CASK: variants seen among roughly 807,000 people sequenced by gnomAD.
CASK encodes the protein peripheral plasma membrane protein CASK.
CASK carries 4 observed loss-of-function variants against 82.9 expected under a neutral mutation model. The ratio of observed to expected loss-of-function variants is 0.05; its 90% CI spans 0.02 to 0.11. The LOEUF is 0.11. Among genes scored for constraint, CASK ranks in the 10% least tolerant of loss-of-function variants. CASK has a pLI of 1.00. For synonymous variants in CASK, 259 were observed against 253.5 expected (o/e 1.02, Z -0.20); for missense variants, 358 against 720.9 (o/e 0.50, Z 5.76).
chrX:41,517,794 C>A lies in CASK; in HGVS notation c.*2626G>T. The A allele has an allele frequency of 1.3e-6, 1 of 786,257 alleles. No individual in the cohort carries two copies. Among genetic ancestry groups the A allele is most frequent in the South Asian group, 2.2e-5 (1 of 44,833 alleles). 64.8% of individuals were successfully genotyped at this position (786,257 alleles called of 1,213,427 possible). On this transcript the variant is annotated 3_prime_UTR_variant, in exon 27 of 27. Coordinates refer to ENST00000378163, the MANE Select transcript of CASK (RefSeq NM_001367721.1). ...GTAGCAGCAGCAGCAGCAGCAGCAG[C>A]AGCAGCAGCAGCAGCAGCAGCAGCA...
chrX:41,830,138 T>A (rs2070764410), intron 2 of CASK, among the ~76,000 whole-genome samples: 1 of 108,582 alleles, frequency 9.2e-6, no homozygotes, highest in Non-Finnish European at 1.9e-5. Context: ...CAGCTAGGAC[T>A]ACAGGCACAC....
chrX:41,600,935 T>A (rs1293455680), intron 12 of CASK, among the ~76,000 whole-genome samples: 1 of 111,937 alleles, frequency 8.9e-6, no homozygotes, highest in Admixed American at 9.5e-5. Context: ...AAGAAAATTC[T>A]AACACATGCT....
chrX:41,555,561 C>T, intron 20 of CASK, 39 bp downstream of exon 20: 3 of 1,084,628 alleles, frequency 2.8e-6, no homozygotes, highest in Non-Finnish European at 3.8e-6. Context: ...CTATTAGCTG[C>T]TCAGTTTAGA....
chrX:41,695,683 C>T, intron 5 of CASK: 1 of 1,204,892 alleles, frequency 8.3e-7, no homozygotes, highest in Non-Finnish European at 1.1e-6. Flanking sequence ...AGCAGCTGGC[C>T]TTACTCCTCC....
At chrX:41,884,696 T>G (rs938110886) in intron 1 of CASK, among the ~76,000 whole-genome samples, 6 of 111,825 alleles carry the variant, frequency 5.4e-5, no homozygotes, top group Non-Finnish European at 9.4e-5. Context: ...AAAGCTCTTT[T>G]AAGAGGTCTT....
chrX:41,674,051 C>A (rs1356706762), intron 5 of CASK, among the ~76,000 whole-genome samples: 2 of 109,745 alleles, frequency 1.8e-5, no homozygotes, highest in Non-Finnish European at 3.8e-5. Context: ...TATAACTTAG[C>A]CCCATCATTA....
chrX:41,670,001 A>C (rs900928179), intron 6 of CASK, among the ~76,000 whole-genome samples: 1 of 112,486 alleles, frequency 8.9e-6, no homozygotes, highest in Non-Finnish European at 1.9e-5. Context: ...AGTGGTTTCA[A>C]AAGTCAGGAT....
intron 10 of CASK, among the ~76,000 whole-genome samples, chrX:41,625,527 G>T (rs1319868106): frequency 6.4e-5 from 7 of 110,218 alleles, no homozygotes; most frequent in Admixed American, 3.9e-4. Context: ...TCATTTTGTT[G>T]TCCAGGTTGG....
chrX:41,875,089 TG>T (rs770446914), intron 1 of CASK, among the ~76,000 whole-genome samples: 1 of 112,696 alleles, frequency 8.9e-6, no homozygotes, highest in Admixed American at 9.4e-5. Context: ...CTGTTTTTAT[TG>T]CTTTATTTAA....
At chrX:41,856,791 G>C (rs186539190) in intron 1 of CASK, among the ~76,000 whole-genome samples, 1 of 77,813 alleles carries the variant, frequency 1.3e-5, no homozygotes, top group Non-Finnish European at 2.4e-5. Flanking sequence ...GCAAGACTCC[G>C]TCTCAAAAAA....
At chrX:41,566,454 G>GACAAATAAC (rs2065319992) in intron 16 of CASK, among the ~76,000 whole-genome samples, 1 of 111,365 alleles carries the variant, frequency 9.0e-6, no homozygotes, top group Non-Finnish European at 1.9e-5. Context: ...GACAAATAGA[G>GACAAATAAC]AGCCAAATCA....
intron 1 of CASK, among the ~76,000 whole-genome samples, chrX:41,918,620 G>T (rs1298164031): frequency 8.9e-6 from 1 of 112,249 alleles, no homozygotes; most frequent in Admixed American, 9.4e-5. Context: ...AAAGGCCCAA[G>T]AAATCAAAGC....
intron 5 of CASK, among the ~76,000 whole-genome samples, chrX:41,723,645 T>C (rs890109187): frequency 3.6e-5 from 4 of 111,511 alleles, no homozygotes; most frequent in Non-Finnish European, 5.7e-5. Context: ...CAACCCTGGG[T>C]GCAGTCTGTG....
intron 2 of CASK, among the ~76,000 whole-genome samples, chrX:41,798,427 A>G (rs2069911406): frequency 8.9e-6 from 1 of 112,971 alleles, no homozygotes; most frequent in South Asian, 3.6e-4. Context: ...ACTATGAGTC[A>G]GGCTCTATTT....
chrX:41,921,034 C>A (rs1040443672), intron 1 of CASK, among the ~76,000 whole-genome samples: 1 of 111,996 alleles, frequency 8.9e-6, no homozygotes. Flanking sequence ...GCATTTTTCT[C>A]TCTAGAACTG....
intron 3 of CASK, among the ~76,000 whole-genome samples, chrX:41,768,587 T>TA (rs1257181991): frequency 1.4e-4 from 15 of 110,284 alleles, no homozygotes; most frequent in East Asian, 5.6e-4. Flanking sequence ...TTCTGCATGT[T>TA]AAAAAAAAAT....
intron 2 of CASK, among the ~76,000 whole-genome samples, chrX:41,824,908 C>CT (rs2070627610): frequency 8.9e-6 from 1 of 111,843 alleles, no homozygotes; most frequent in Non-Finnish European, 1.9e-5. Context: ...TCACAGTTCT[C>CT]TAACTTTTAC....
intron 8 of CASK, among the ~76,000 whole-genome samples, chrX:41,640,941 A>G (rs1484844887): frequency 9.2e-6 from 1 of 108,563 alleles, no homozygotes; most frequent in Non-Finnish European, 1.9e-5. Context: ...TAGTAAAATC[A>G]CAAGATTTAA....
At chrX:41,680,928 T>A (rs199946344) in intron 5 of CASK, among the ~76,000 whole-genome samples, 43 of 110,720 alleles carry the variant, frequency 3.9e-4, no homozygotes, top group East Asian at 3.4e-3. Flanking sequence ...AAAAAAAAAA[T>A]AAATAAATAA....
Sources: allele counts gnomAD v4.1 joint callset (sites outside exome capture counted in the v4.1 genomes callset), GRCh38; gene constraint gnomAD v4.1.1; transcripts MANE v1.5; gene names NCBI Gene and HGNC (gene_info 2026-07-23, HGNC 2026-07-21).